ADAMTS3: variants seen among roughly 807,000 people sequenced by gnomAD.
ADAMTS3 encodes the protein ADAM metallopeptidase with thrombospondin type 1 motif 3, also known as A disintegrin and metalloproteinase with thrombospondin motifs 3.
In ADAMTS3, 73 loss-of-function variants were observed where a neutral mutation model predicts 129.0. The observed-to-expected ratio is 0.57, with a 90% CI of 0.47 to 0.69. The LOEUF is 0.69. ADAMTS3 is among the 30% of genes least tolerant of loss of function. ADAMTS3 has a pLI of 0.00. For missense variants in ADAMTS3, 1,457 were observed against 1,514.5 expected (o/e 0.96, Z 0.63); for synonymous variants, 477 against 510.8 (o/e 0.93, Z 0.89).
At chr4:72,531,162 T>G (rs1487568506) in intron 3 of ADAMTS3, among the ~76,000 whole-genome samples, 1 of 152,006 alleles carries the variant, frequency 6.6e-6, no homozygotes, top group African/African-American at 2.4e-5. Flanking sequence ...GGAGATATAA[T>G]AAGTAGATTC....
At chr4:72,452,799 C>A (rs1040305772) in intron 3 of ADAMTS3, among the ~76,000 whole-genome samples, 2 of 151,750 alleles carry the variant, frequency 1.3e-5, no homozygotes, top group Non-Finnish European at 2.9e-5. Flanking sequence ...ATCTCTCCTA[C>A]AACCTAAAAC....
At chr4:72,539,558 T>C (rs1170215823) in intron 3 of ADAMTS3, among the ~76,000 whole-genome samples, 1 of 142,634 alleles carries the variant, frequency 7.0e-6, no homozygotes, top group East Asian at 2.1e-4. Flanking sequence ...AAAATCAAAC[T>C]CTGTGCACTG....
chr4:72,454,320 A>C (rs1024870161), intron 3 of ADAMTS3, among the ~76,000 whole-genome samples: 5 of 151,732 alleles, frequency 3.3e-5, no homozygotes, highest in African/African-American at 1.2e-4. Context: ...GACTAGAATA[A>C]ATTAATAAAA....
At chr4:72,507,095 G>C (rs1408038348) in intron 3 of ADAMTS3, among the ~76,000 whole-genome samples, 2 of 152,212 alleles carry the variant, frequency 1.3e-5, no homozygotes, top group Non-Finnish European at 2.9e-5. Context: ...TATAAAATAT[G>C]TATGTGTGAA....
intron 20 of ADAMTS3, 100 bp downstream of exon 20, chr4:72,290,755 A>G: frequency 4.8e-6 from 6 of 1,255,690 alleles, no homozygotes; most frequent in African/African-American, 1.5e-5. Flanking sequence ...GTAGTTTCTC[A>G]GTTCACACAA....
chr4:72,410,841 G>T (rs1287694031), intron 4 of ADAMTS3, among the ~76,000 whole-genome samples: 1 of 151,946 alleles, frequency 6.6e-6, no homozygotes, highest in Non-Finnish European at 1.5e-5. Flanking sequence ...ATCTGAAAAA[G>T]AAGCAAATTA....
intron 5 of ADAMTS3, among the ~76,000 whole-genome samples, chr4:72,326,615 C>A (rs1719705515): frequency 6.6e-6 from 1 of 151,950 alleles, no homozygotes. Context: ...AGTGTTGTTG[C>A]TCAAAACAAG....
At chr4:72,560,556 G>A (rs1243450011) in intron 2 of ADAMTS3, among the ~76,000 whole-genome samples, 1 of 152,122 alleles carries the variant, frequency 6.6e-6, no homozygotes, top group Non-Finnish European at 1.5e-5. Context: ...GGAGCTGGAA[G>A]CCATTATCCT....
intron 17 of ADAMTS3, among the ~76,000 whole-genome samples, chr4:72,300,054 T>C (rs1314726850): frequency 2.0e-5 from 3 of 152,184 alleles, no homozygotes; most frequent in African/African-American, 7.2e-5. Context: ...AATGAGGTGA[T>C]ACTAAAATCA....
chr4:72,320,748 T>TA lies in ADAMTS3; in HGVS notation c.1067dup (p.Leu356PhefsTer32). 1 of 1,613,894 alleles carries TA rather than the reference T, an allele frequency of 6.2e-7. No individual in the cohort carries two copies. The highest frequency in any genetic ancestry group is 8.5e-7 in the Non-Finnish European group (1 of 1,179,858). On this transcript the variant is annotated frameshift_variant, in exon 7 of 22. Transcript: ENST00000286657. LOFTEE classifies it high-confidence loss of function. ...CAGCAGGTCCAAAGTCTTGCCTGGT[T>TA]AAAAAAATTGCATGGTCATGGTGTT... is the stretch of plus-strand genomic sequence containing the variant.
At chr4:72,379,009 A>G (rs930919140) in intron 4 of ADAMTS3, among the ~76,000 whole-genome samples, 3 of 152,110 alleles carry the variant, frequency 2.0e-5, no homozygotes, top group East Asian at 1.9e-4. Flanking sequence ...GTTCCTTACC[A>G]TGAGGTCCTG....
At chr4:72,516,528 G>A (rs554928705) in intron 3 of ADAMTS3, among the ~76,000 whole-genome samples, 278 of 152,144 alleles carry the variant, frequency 1.8e-3, no homozygotes, top group South Asian at 3.7e-3. Flanking sequence ...GTGGTTTGTC[G>A]TTCTCCTTGA....
intron 1 of ADAMTS3, 85 bp downstream of exon 1, chr4:72,568,609 A>C: frequency 9.8e-7 from 1 of 1,017,382 alleles, no homozygotes; most frequent in Admixed American, 2.1e-5. Context: ...GAGAAGGAGG[A>C]AAGAGAGGAG....
intron 4 of ADAMTS3, among the ~76,000 whole-genome samples, chr4:72,406,779 A>ACC (rs1722063314): frequency 6.6e-6 from 1 of 152,214 alleles, no homozygotes; most frequent in South Asian, 2.1e-4. Flanking sequence ...GGTGATTGTT[A>ACC]TAATAATTTT....
intron 4 of ADAMTS3, among the ~76,000 whole-genome samples, chr4:72,385,075 C>T (rs542755128): frequency 6.6e-6 from 1 of 151,820 alleles, no homozygotes; most frequent in Admixed American, 6.6e-5. Context: ...GCTACTTCTA[C>T]AGGCTGAGGC....
intron 3 of ADAMTS3, among the ~76,000 whole-genome samples, chr4:72,476,453 T>A (rs1233749377): frequency 3.9e-5 from 6 of 152,048 alleles, no homozygotes; most frequent in Non-Finnish European, 5.9e-5. Context: ...TTGTAACCAA[T>A]AAGGTAATTA....
chr4:72,488,202 G>A (rs982952866), intron 3 of ADAMTS3, among the ~76,000 whole-genome samples: 3 of 151,874 alleles, frequency 2.0e-5, no homozygotes, highest in Admixed American at 6.6e-5. Flanking sequence ...ATAGTGTTGT[G>A]TATTCAATAT....
chr4:72,358,453 T>C (rs1294153673), intron 4 of ADAMTS3, among the ~76,000 whole-genome samples: 2 of 152,006 alleles, frequency 1.3e-5, no homozygotes, highest in Non-Finnish European at 2.9e-5. Flanking sequence ...GTTTGGGCTG[T>C]ACATATATAA....
intron 2 of ADAMTS3, among the ~76,000 whole-genome samples, chr4:72,560,669 AC>A (rs1279100911): frequency 2.0e-5 from 3 of 152,054 alleles, no homozygotes; most frequent in African/African-American, 7.2e-5. Context: ...GGAGCAACAC[AC>A]GCTGGGGCCC....
Sources: allele counts gnomAD v4.1 joint callset (sites outside exome capture counted in the v4.1 genomes callset), GRCh38; gene constraint gnomAD v4.1.1; transcripts MANE v1.5; gene names NCBI Gene and HGNC (gene_info 2026-07-23, HGNC 2026-07-21).